The following MTMR3 variants were observed in gnomAD, a reference collection of about 807,000 sequenced individuals.
The protein encoded by MTMR3 is myotubularin related protein 3.
Under a neutral mutation model 132.4 loss-of-function variants are expected in MTMR3, and 32 were observed. The ratio of observed to expected loss-of-function variants is 0.24; its 90% CI spans 0.18 to 0.32. The LOEUF is 0.32. MTMR3 is among the 10% of genes least tolerant of loss of function. MTMR3 has a pLI of 1.00. For synonymous variants in MTMR3, 556 were observed against 550.3 expected, an observed-to-expected ratio of 1.01 and a Z score of -0.14; for missense variants, 1,216 against 1,489.6, an observed-to-expected ratio of 0.82 and a Z score of 3.02.
At chr22:30,021,143 T>C in intron 17 of MTMR3, 2 of 506,280 alleles carry the variant, frequency 4.0e-6, no homozygotes, top group Non-Finnish European at 7.1e-6. Context: ...ACTGCATGGT[T>C]GATCAGATCT....
intron 1 of MTMR3, 100 bp from the exon 2 acceptor site, chr22:29,956,936 A>G (rs1287829547): frequency 1.3e-5 from 2 of 152,326 alleles, no homozygotes; most frequent in African/African-American, 2.4e-5. Flanking sequence ...TTGTCATAGC[A>G]TTATGACTGG....
chr22:29,892,431 G>A (rs374783240), intron 1 of MTMR3, among the ~76,000 whole-genome samples: 1 of 152,208 alleles, frequency 6.6e-6, no homozygotes, highest in East Asian at 1.9e-4. Flanking sequence ...GAGACTGAGT[G>A]AAGGTATGAA....
chr22:29,989,990 GCAGGCC>G (rs2066929126), intron 6 of MTMR3: 1 of 152,254 alleles, frequency 6.6e-6, no homozygotes, highest in African/African-American at 2.4e-5. Flanking sequence ...TAGCACTTTG[GCAGGCC>G]GAGGTGGGGG....
rs1022762723 is a variant in MTMR3, at chr22:30,027,921, CTCTCACACAGAAG to C, written c.*2122_*2134del. The C allele has an allele frequency of 3.3e-5, 5 of 152,354 alleles. No homozygotes were observed. The highest frequency in any genetic ancestry group is 4.4e-5 in the Non-Finnish European group (3 of 68,038). The allele number at this position is 152,354 out of a possible 1,614,324, so 9.4% of individuals were successfully genotyped here. A position where few individuals can be genotyped will look rare whatever the true frequency, so the allele number is the denominator to read the frequency against. ...TTTATCCCCTCTTCGTCCCTTTTCC[CTCTCACACAGAAG>C]TGTTTGAGGGCCTGCTGGGAAACTG... On this transcript the variant is annotated 3_prime_UTR_variant, in exon 20 of 20. Transcript: ENST00000401950.
At chr22:29,913,864 G>T (rs2065260446) in intron 1 of MTMR3, among the ~76,000 whole-genome samples, 1 of 152,118 alleles carries the variant, frequency 6.6e-6, no homozygotes, top group African/African-American at 2.4e-5. Context: ...CTATTCTCCT[G>T]CCTCAGCCTG....
chr22:29,903,390 CT>C (rs35625964), intron 1 of MTMR3, among the ~76,000 whole-genome samples: 3,205 of 119,586 alleles, frequency 0.027, 96 homozygotes, highest in African/African-American at 0.094. Flanking sequence ...CTTTTTCTTT[CT>C]TTTTTTTTTT....
intron 1 of MTMR3, among the ~76,000 whole-genome samples, chr22:29,950,302 T>C (rs982226667): frequency 1.3e-4 from 20 of 151,884 alleles, no homozygotes; most frequent in Non-Finnish European, 2.6e-4. Flanking sequence ...TTTTGTTTTC[T>C]GTGAAATTAT....
At chr22:29,925,788 A>G (rs1261519738) in intron 1 of MTMR3, among the ~76,000 whole-genome samples, 2 of 152,036 alleles carry the variant, frequency 1.3e-5, no homozygotes, top group Non-Finnish European at 2.9e-5. Flanking sequence ...GATGGTGGGC[A>G]CCTGTGGTCC....
chr22:30,000,943 A>T (rs2067159236), intron 8 of MTMR3: 1 of 152,202 alleles, frequency 6.6e-6, no homozygotes, highest in Non-Finnish European at 1.5e-5. Flanking sequence ...TCAAGTAAAA[A>T]AAAACTGTGA....
chr22:29,979,928 C>T (rs1036203286), intron 5 of MTMR3: 1 of 152,176 alleles, frequency 6.6e-6, no homozygotes, highest in Non-Finnish European at 1.5e-5. Context: ...TTATGAATGT[C>T]CTCTCAGTGA....
chr22:30,025,443 T>C, intron 19 of MTMR3, 187 bp from the exon 20 acceptor site: 1 of 608,274 alleles, frequency 1.6e-6, no homozygotes. Flanking sequence ...AAATGACATG[T>C]GACTCTGCTA....
chr22:29,917,996 T>A (rs2065340649), intron 1 of MTMR3, among the ~76,000 whole-genome samples: 1 of 152,250 alleles, frequency 6.6e-6, no homozygotes, highest in African/African-American at 2.4e-5. Flanking sequence ...ATTTTGAAAT[T>A]GTAAAATACA....
intron 2 of MTMR3, among the ~76,000 whole-genome samples, chr22:29,967,238 C>T (rs1214437111): frequency 2.0e-4 from 26 of 129,670 alleles, no homozygotes; most frequent in African/African-American, 6.5e-4. Flanking sequence ...TGTGTGCATG[C>T]GCGCGCGCGC....
At chr22:30,008,214 G>T (rs2067317294) in intron 11 of MTMR3, 182 bp downstream of exon 11, 1 of 711,306 alleles carries the variant, frequency 1.4e-6, no homozygotes, top group Non-Finnish European at 2.2e-6. Flanking sequence ...GAGGAGAAAT[G>T]GAGGAGGAGG....
chr22:30,008,369 T>C (rs988806781), intron 11 of MTMR3: 2 of 224,596 alleles, frequency 8.9e-6, no homozygotes, highest in African/African-American at 4.6e-5. Context: ...AGCTTTTTGT[T>C]GCCTTTGACA....
At chr22:29,943,199 T>C (rs1266926382) in intron 1 of MTMR3, among the ~76,000 whole-genome samples, 2 of 151,932 alleles carry the variant, frequency 1.3e-5, no homozygotes, top group African/African-American at 2.4e-5. Flanking sequence ...TTTCTTTTTT[T>C]CTTTTTTTTT....
At chr22:30,006,099 T>C (rs2067268705) in intron 9 of MTMR3, 1 of 152,278 alleles carries the variant, frequency 6.6e-6, no homozygotes, top group Admixed American at 6.5e-5. Context: ...ATCAGTGTCC[T>C]AGCCTGTATC....
chr22:29,891,982 C>T (rs2064808560), intron 1 of MTMR3, among the ~76,000 whole-genome samples: 2 of 151,898 alleles, frequency 1.3e-5, no homozygotes, highest in East Asian at 3.9e-4. Context: ...GTGAAACCCG[C>T]CTCTACTAAA....
chr22:29,932,995 G>A (rs1422554397), intron 1 of MTMR3, among the ~76,000 whole-genome samples: 5 of 151,984 alleles, frequency 3.3e-5, no homozygotes, highest in South Asian at 4.2e-4. Context: ...TTGAGATGGC[G>A]TCTTGCTCTG....
Sources: allele counts gnomAD v4.1 joint callset (sites outside exome capture counted in the v4.1 genomes callset), GRCh38; gene constraint gnomAD v4.1.1; transcripts MANE v1.5; gene names NCBI Gene and HGNC (gene_info 2026-07-23, HGNC 2026-07-21).